ZFAT: variants seen among roughly 807,000 people sequenced by gnomAD.
ZFAT encodes the protein zinc finger protein ZFAT.
Under a neutral mutation model 117.7 loss-of-function variants are expected in ZFAT, and 64 were observed. That is an observed-to-expected ratio of 0.54 (90% confidence interval 0.44 to 0.67). The LOEUF (loss-of-function observed/expected upper bound fraction) is 0.67. Among genes scored for constraint, ZFAT ranks in the 30% least tolerant of loss-of-function variants. The pLI, the probability that ZFAT is intolerant of heterozygous loss-of-function variation, is 0.00. For synonymous variants in ZFAT, 679 were observed against 615.0 expected, an observed-to-expected ratio of 1.10 and a Z score of -1.54; for missense variants, 1,433 against 1,584.5, an observed-to-expected ratio of 0.90 and a Z score of 1.62.
chr8:134,749,568 A>G, the ZFAT span, among the ~76,000 whole-genome samples: 2,510 of 152,272 alleles, frequency 0.016, 84 homozygotes, highest in African/African-American at 0.056. Context: ...ACACCATCAG[A>G]TTGGGTATCA....
At chr8:134,578,582 T>A (rs544848838) in intron 10 of ZFAT, among the ~76,000 whole-genome samples, 1 of 152,060 alleles carries the variant, frequency 6.6e-6, no homozygotes, top group South Asian at 2.1e-4. Flanking sequence ...AACAGAGGAA[T>A]GGCACGACCT....
At chr8:134,697,871 G>T (rs371124472) in intron 1 of ZFAT, among the ~76,000 whole-genome samples, 93 of 145,234 alleles carry the variant, frequency 6.4e-4, no homozygotes, top group Middle Eastern at 6.9e-3. Context: ...GTGAGCCACC[G>T]CACCCAGCCA....
intron 13 of ZFAT, among the ~76,000 whole-genome samples, chr8:134,515,589 T>C (rs1281728149): frequency 6.6e-6 from 1 of 152,390 alleles, no homozygotes; most frequent in Non-Finnish European, 1.5e-5. Context: ...CATATGTTTG[T>C]TGGCTGCATA....
chr8:134,605,580 C>T (rs546116961), intron 5 of ZFAT, among the ~76,000 whole-genome samples: 1 of 151,776 alleles, frequency 6.6e-6, no homozygotes, highest in South Asian at 2.1e-4. Context: ...GAAAGAAATC[C>T]AGCAGAACTT....
At chr8:134,698,834 C>T (rs1345141499) in intron 1 of ZFAT, among the ~76,000 whole-genome samples, 1 of 152,194 alleles carries the variant, frequency 6.6e-6, no homozygotes, top group African/African-American at 2.4e-5. Flanking sequence ...CATCAGTTCC[C>T]ATCACCAAAA....
chr8:134,597,128 AC>A (rs1249461812), intron 7 of ZFAT, among the ~76,000 whole-genome samples: 5 of 152,234 alleles, frequency 3.3e-5, no homozygotes, highest in Non-Finnish European at 7.3e-5. Context: ...TCTATTTAAA[AC>A]ACTTTGCAAT....
chr8:134,509,555 GA>G, intron 15 of ZFAT, 63 bp downstream of exon 15: 1 of 1,604,600 alleles, frequency 6.2e-7, no homozygotes, highest in Non-Finnish European at 8.5e-7. Flanking sequence ...GAAACACAGG[GA>G]GAAGGAGAGA....
chr8:134,605,566 AAAAG>A lies in ZFAT; in HGVS notation c.786-2637_786-2634del, dbSNP rs1486775987. Among the ~76,000 whole-genome samples the A allele has an allele frequency of 9.2e-5, 14 of 151,958 alleles. 1 individual carries two copies. Among genetic ancestry groups the A allele is most frequent in the Admixed American group, 7.2e-4 (11 of 15,272 alleles). ...CAGACCCCATCTCAAAAAAAAAAAA[AAAAG>A]AAAGAAATCCAGCAGAACTTTAAGA... On this transcript the variant is annotated intron_variant, in intron 5 of 15. Coordinates refer to ENST00000377838, the MANE Select transcript of ZFAT (RefSeq NM_020863.4).
At chr8:134,718,117 C>A in the ZFAT span, among the ~76,000 whole-genome samples, 1 of 152,204 alleles carries the variant, frequency 6.6e-6, no homozygotes, top group Non-Finnish European at 1.5e-5. Flanking sequence ...TCGACAGTTA[C>A]ATTGAAACAA....
rs1826196818 is a variant in ZFAT at position 134,588,097 on chromosome 8, T to C, written c.2713+149A>G. The C allele has an allele frequency of 6.3e-6, 6 of 947,710 alleles. No individual in the cohort carries two copies. In the South Asian group the frequency reaches 1.1e-4, roughly 18 times the overall value. The allele number at this position is 947,710 out of a possible 1,614,324, so 58.7% of individuals were successfully genotyped here. A position where few individuals can be genotyped will look rare whatever the true frequency, so the allele number is the denominator to read the frequency against. Reference sequence around the variant, plus strand: ...AAGTAATGGTTTAAATTACTGTTTGTAGCTGGTTGATGGACACATCTCTCA... The same window carrying C: ...AAGTAATGGTTTAAATTACTGTTTGCAGCTGGTTGATGGACACATCTCTCA... On this transcript the variant is annotated intron_variant, in intron 9 of 15. Transcript: ENST00000377838.
intron 11 of ZFAT, among the ~76,000 whole-genome samples, chr8:134,561,811 T>C (rs1413715166): frequency 6.6e-6 from 1 of 152,202 alleles, no homozygotes; most frequent in African/African-American, 2.4e-5. Flanking sequence ...TTGGTATATG[T>C]ATGAATATCA....
intron 1 of ZFAT, among the ~76,000 whole-genome samples, chr8:134,660,390 C>T (rs952307222): frequency 6.6e-6 from 1 of 152,200 alleles, no homozygotes; most frequent in Non-Finnish European, 1.5e-5. Context: ...CAGCAAAGAG[C>T]GTAATCCCCA....
At chr8:134,707,332 A>T (rs1380694407) in intron 1 of ZFAT, among the ~76,000 whole-genome samples, 1 of 152,190 alleles carries the variant, frequency 6.6e-6, no homozygotes. Context: ...GAAATCCTCA[A>T]GAGGAAAGAA....
the ZFAT span, among the ~76,000 whole-genome samples, chr8:134,786,289 GATGT>G: frequency 6.6e-6 from 1 of 152,194 alleles, no homozygotes; most frequent in Non-Finnish European, 1.5e-5. Context: ...ACATGGAACA[GATGT>G]ATTAATACAA....
the ZFAT span, among the ~76,000 whole-genome samples, chr8:134,774,028 T>A: frequency 7.9e-6 from 1 of 126,208 alleles, no homozygotes; most frequent in South Asian, 2.8e-4. Flanking sequence ...GGCATTTCAC[T>A]CTTGTGGCCC....
At chr8:134,592,462 G>C (rs1239001676) in intron 7 of ZFAT, among the ~76,000 whole-genome samples, 1 of 152,142 alleles carries the variant, frequency 6.6e-6, no homozygotes, top group Non-Finnish European at 1.5e-5. Flanking sequence ...TCAAATCTTG[G>C]TTTTGCCCCT....
chr8:134,577,127 T>C (rs1417593963), intron 10 of ZFAT, among the ~76,000 whole-genome samples: 2 of 152,216 alleles, frequency 1.3e-5, no homozygotes, highest in East Asian at 1.9e-4. Context: ...CATTACAGCA[T>C]GATCTTTGCA....
At chr8:134,803,129 G>A in the ZFAT span, among the ~76,000 whole-genome samples, 1 of 152,214 alleles carries the variant, frequency 6.6e-6, no homozygotes, top group Admixed American at 6.5e-5. Context: ...GGCCTAGCTG[G>A]GCAGAGTATA....
At chr8:134,760,009 G>A in the ZFAT span, among the ~76,000 whole-genome samples, 9 of 145,518 alleles carry the variant, frequency 6.2e-5, no homozygotes, top group Admixed American at 2.1e-4. Flanking sequence ...GGCCGGGTGC[G>A]GTGGCTCATG....
Sources: allele counts gnomAD v4.1 joint callset (sites outside exome capture counted in the v4.1 genomes callset), GRCh38; gene constraint gnomAD v4.1.1; transcripts MANE v1.5; gene names NCBI Gene and HGNC (gene_info 2026-07-23, HGNC 2026-07-21).